ZNF90: variants seen among roughly 807,000 people sequenced by gnomAD.
The protein encoded by ZNF90 is zinc finger protein 90.
A neutral mutation model predicts 12.0 loss-of-function variants in ZNF90; 11 were observed. That is an observed-to-expected ratio of 0.92 (90% CI 0.58 to 1.52). ZNF90 has a LOEUF of 1.52. Ranked by LOEUF, ZNF90 falls within the 40% of genes most tolerant of loss-of-function variation. The pLI, the probability that ZNF90 is intolerant of heterozygous loss-of-function variation, is 0.00. For missense variants in ZNF90, 765 were observed against 711.5 expected, an observed-to-expected ratio of 1.08 and a Z score of -0.86; for synonymous variants, 232 against 240.1, an observed-to-expected ratio of 0.97 and a Z score of 0.31.
intron 1 of ZNF90, among the ~76,000 whole-genome samples, chr19:20,094,956 C>T (rs1038550360): frequency 3.5e-4 from 53 of 152,020 alleles, no homozygotes; most frequent in Non-Finnish European, 4.9e-4. Context: ...AACTGTAAGC[C>T]GGACCGGGTG....
At chr19:20,082,064 T>C (rs2088824640) in intron 1 of ZNF90, among the ~76,000 whole-genome samples, 1 of 152,056 alleles carries the variant, frequency 6.6e-6, no homozygotes. Context: ...GCGCCTGGCC[T>C]GTTTTTTTTT....
intron 1 of ZNF90, among the ~76,000 whole-genome samples, chr19:20,093,978 G>A (rs1282383583): frequency 2.0e-5 from 3 of 152,204 alleles, no homozygotes; most frequent in African/African-American, 7.2e-5. Flanking sequence ...GGGTGAGCTG[G>A]GCAGTCTGAT....
chr19:20,100,596 C>T (rs2088981533), intron 1 of ZNF90, among the ~76,000 whole-genome samples: 1 of 152,164 alleles, frequency 6.6e-6, no homozygotes, highest in Non-Finnish European at 1.5e-5. Context: ...ATCTCAACTG[C>T]ATGACCCCTA....
intron 3 of ZNF90, among the ~76,000 whole-genome samples, chr19:20,115,385 T>C (rs1278159575): frequency 6.6e-6 from 1 of 151,424 alleles, no homozygotes; most frequent in Non-Finnish European, 1.5e-5. Flanking sequence ...TTTTATTTGA[T>C]TCTTGTATCT....
At chr19:20,112,200 A>G (rs1568291513) in intron 3 of ZNF90, among the ~76,000 whole-genome samples, 1 of 151,516 alleles carries the variant, frequency 6.6e-6, no homozygotes, top group African/African-American at 2.4e-5. Context: ...TCTATAAAAA[A>G]GAACTTTAAA....
At chr19:20,080,224 C>T (rs1007493623) in intron 1 of ZNF90, 7 of 580,204 alleles carry the variant, frequency 1.2e-5, no homozygotes, top group Non-Finnish European at 2.4e-5. Context: ...TGACGGTGTG[C>T]TGTTGATGAG....
chr19:20,120,208 T>C lies in ZNF90; in HGVS notation c.*848T>C, dbSNP rs565505012. Reference sequence around the variant, plus strand: ...AAAAATTGCACAATTATAAAAAATATGGAAAACCCATTAATGCCTACTCAC... The same window carrying C: ...AAAAATTGCACAATTATAAAAAATACGGAAAACCCATTAATGCCTACTCAC... On this transcript the variant is annotated 3_prime_UTR_variant, in exon 4 of 4. Coordinates refer to ENST00000418063, the MANE Select transcript of ZNF90 (RefSeq NM_007138.2). Among the ~76,000 whole-genome samples the C allele has an allele frequency of 6.6e-6, 1 of 152,184 alleles. No individual in the cohort carries two copies. Among genetic ancestry groups the C allele is most frequent in the Non-Finnish European group, 1.5e-5 (1 of 68,026 alleles).
chr19:20,095,939 G>C (rs138312439), intron 1 of ZNF90, among the ~76,000 whole-genome samples: 1 of 152,194 alleles, frequency 6.6e-6, no homozygotes, highest in South Asian at 2.1e-4. Flanking sequence ...CCCTTGAAAC[G>C]TGAGTGTATA....
In ZNF90 at chr19:20,102,025, C is replaced by G. The variant is rs782709772; in HGVS notation, c.4-2214C>G. On this transcript the variant is annotated intron_variant, in intron 1 of 3. Coordinates refer to ENST00000418063, the MANE Select transcript of ZNF90 (RefSeq NM_007138.2). Reference sequence around the variant, plus strand: ...CTTATATGCCATGCAGAATTCTTAGCAAGAATTTATGATCCTCAATGTGGG... The same window carrying G: ...CTTATATGCCATGCAGAATTCTTAGGAAGAATTTATGATCCTCAATGTGGG... 2.6e-5 allele frequency among the ~76,000 whole-genome samples: 4 copies of G among 152,278 alleles called. No individual in the cohort carries two copies. The East Asian group carries it at 7.7e-4, about 29-fold the overall frequency.
At chr19:20,086,259 CAG>C (rs1302925990) in intron 1 of ZNF90, among the ~76,000 whole-genome samples, 1 of 110,570 alleles carries the variant, frequency 9.0e-6, no homozygotes, top group Non-Finnish European at 1.7e-5. Context: ...TTTTTTGAGA[CAG>C]AGTCTCACTC....
At chr19:20,087,233 C>G (rs185495748) in intron 1 of ZNF90, 2 of 152,296 alleles carry the variant, frequency 1.3e-5, no homozygotes, top group African/African-American at 4.8e-5. Context: ...CTGACATGAT[C>G]AATCTTATAT....
Position 20,118,074 on chromosome 19 carries a change from A to T in ZNF90, c.520A>T (p.Lys174Ter). The change falls in exon 4 of 4, where the codon AAA becomes TAA. Residue 174 changes from lysine (K) to a stop codon, truncating the protein, a stop_gained. Transcript: ENST00000418063. LOFTEE classifies it low-confidence loss of function (END_TRUNC). ...KIRDTGKKPF[K>*]CIECGKAFNQ... The stretch of plus-strand genomic sequence containing the variant: ...AAGAGATACTGGAAAAAAACCTTTC[A>T]AATGTATAGAATGTGGCAAAGCTTT... The T allele has an allele frequency of 6.2e-7, 1 of 1,613,272 alleles. No homozygotes were observed. Among genetic ancestry groups the T allele is most frequent in the Non-Finnish European group, 8.5e-7 (1 of 1,179,520 alleles).
chr19:20,078,754 C>A (rs1192080387), intron 1 of ZNF90, among the ~76,000 whole-genome samples: 1 of 152,068 alleles, frequency 6.6e-6, no homozygotes, highest in Non-Finnish European at 1.5e-5. Flanking sequence ...GTAAGCCAAC[C>A]GGGATCAGCT....
At position 20,120,412 on chromosome 19, in the gene ZNF90, A is replaced by C. The variant is rs1555706429; in HGVS notation, c.*1052A>C. On this transcript the variant is annotated 3_prime_UTR_variant, in exon 4 of 4. Transcript: ENST00000418063. Reference sequence around the variant, plus strand: ...TTGCATCACAGATTTCATTGCACACATTTTGTACTAGAGGAAAACCCTGAA... The same window carrying C: ...TTGCATCACAGATTTCATTGCACACCTTTTGTACTAGAGGAAAACCCTGAA... 6.6e-6 allele frequency among the ~76,000 whole-genome samples: 1 copy of C among 152,180 alleles called. No homozygotes were observed. Among genetic ancestry groups the C allele is most frequent in the Non-Finnish European group, 1.5e-5 (1 of 68,026 alleles).
intron 1 of ZNF90, among the ~76,000 whole-genome samples, chr19:20,097,141 A>G (rs1555703355): frequency 6.6e-6 from 1 of 152,188 alleles, no homozygotes; most frequent in East Asian, 1.9e-4. Context: ...ACTATGATGC[A>G]TGTCACACTT....
intron 3 of ZNF90, among the ~76,000 whole-genome samples, chr19:20,116,877 A>G (rs551295074): frequency 6.6e-6 from 1 of 152,028 alleles, no homozygotes; most frequent in Admixed American, 6.6e-5. Context: ...TCCAATGTAT[A>G]TCACCACTTC....
At chr19:20,110,539 A>C (rs2089079743) in intron 3 of ZNF90, among the ~76,000 whole-genome samples, 1 of 152,128 alleles carries the variant, frequency 6.6e-6, no homozygotes, top group African/African-American at 2.4e-5. Context: ...TGCTAGATTT[A>C]CAGGCTTGAA....
intron 3 of ZNF90, among the ~76,000 whole-genome samples, chr19:20,108,649 A>G (rs2089059996): frequency 6.6e-6 from 1 of 151,414 alleles, no homozygotes; most frequent in Non-Finnish European, 1.5e-5. Flanking sequence ...ACATTAATGT[A>G]GCATACCAGA....
Position 20,118,132 on chromosome 19 carries a change from A to T in ZNF90, c.578A>T (p.Lys193Ile), listed in dbSNP as rs61998186. Reference sequence around the variant, plus strand: ...TCCTCAACCCTTGCTACACATAAGAAAATTCATACTGGAGAGATAACCTGC... The same window carrying T: ...TCCTCAACCCTTGCTACACATAAGATAATTCATACTGGAGAGATAACCTGC... ...NQSSTLATHK[K>I]IHTGEITCKC... Residue 193 changes from lysine to isoleucine, a missense_variant, in exon 4 of 4, where the codon AAA becomes ATA. Physicochemically the swap from Lys to Ile is moderately radical, Grantham distance 102. Coordinates refer to ENST00000418063, the MANE Select transcript of ZNF90 (RefSeq NM_007138.2). 151 of 1,613,252 alleles carry T rather than the reference A, an allele frequency of 9.4e-5. 1 individual carries two copies. Among genetic ancestry groups the T allele is most frequent in the Non-Finnish European group, 1.3e-4 (148 of 1,179,636 alleles).
Sources: allele counts gnomAD v4.1 joint callset (sites outside exome capture counted in the v4.1 genomes callset), GRCh38; gene constraint gnomAD v4.1.1; transcripts MANE v1.5; gene names NCBI Gene and HGNC (gene_info 2026-07-23, HGNC 2026-07-21).